NHEJ1: variants seen among roughly 807,000 people sequenced by gnomAD.
NHEJ1 encodes non-homologous end-joining factor 1.
NHEJ1 carries 22 observed loss-of-function variants against 39.4 expected under a neutral mutation model. The ratio of observed to expected loss-of-function variants is 0.56; its 90% CI spans 0.40 to 0.80. The LOEUF (loss-of-function observed/expected upper bound fraction) is 0.80, where lower values mean the gene tolerates loss of function less well. NHEJ1 is among the 30% of genes least tolerant of loss of function. The pLI is 0.00. For missense variants in NHEJ1, 329 were observed against 357.1 expected, an observed-to-expected ratio of 0.92 and a Z score of 0.63; for synonymous variants, 154 against 135.6, an observed-to-expected ratio of 1.14 and a Z score of -0.94.
intron 1 of NHEJ1, chr2:219,158,746 T>A: frequency 3.6e-6 from 1 of 274,694 alleles, no homozygotes; most frequent in Non-Finnish European, 7.1e-6. Flanking sequence ...GTCACTCCTA[T>A]CCTTTCCCAG....
chr2:219,090,647 C>T (rs1038993850), intron 5 of NHEJ1, among the ~76,000 whole-genome samples: 4 of 152,116 alleles, frequency 2.6e-5, no homozygotes, highest in South Asian at 2.1e-4. Context: ...GGTCTGAGGC[C>T]TTACTAAACA....
chr2:219,087,019 G>A (rs897717084), intron 5 of NHEJ1, among the ~76,000 whole-genome samples: 2 of 152,014 alleles, frequency 1.3e-5, no homozygotes, highest in South Asian at 2.1e-4. Flanking sequence ...GGTTTCCTGG[G>A]GGGGACGGAT....
chr2:219,125,304 A>C (rs1317915856), intron 5 of NHEJ1, among the ~76,000 whole-genome samples: 1 of 151,892 alleles, frequency 6.6e-6, no homozygotes, highest in East Asian at 1.9e-4. Flanking sequence ...TGGGAAATCC[A>C]CAAGTCCTCT....
intron 5 of NHEJ1, among the ~76,000 whole-genome samples, chr2:219,115,017 C>T (rs1949397793): frequency 6.6e-6 from 1 of 151,950 alleles, no homozygotes; most frequent in African/African-American, 2.4e-5. Flanking sequence ...CAGAAACTGT[C>T]ACAGGCATTG....
rs372934259 is a variant in NHEJ1 at position 219,076,426 on chromosome 2, C to G, written c.855G>C (p.Gln285His). ...TGTSGPLQRP[Q>H]LSKVKRKKPR... is the part of the protein sequence containing the mutation. ...GCTTCTTCCTCTTGACCTTTGACAG[C>G]TGAGGTCTCTGCAGAGGGCCTGAAG... is the stretch of plus-strand genomic sequence containing the variant. Residue 285 changes from glutamine (Q) to histidine (H), a missense_variant, in exon 8 of 8, where the codon CAG becomes CAC. Gln to His is a conservative substitution (Grantham distance 24, BLOSUM62 0). Transcript: ENST00000356853. The G allele has an allele frequency of 3.1e-6, 5 of 1,614,080 alleles. No individual in the cohort carries two copies. The South Asian group carries it at 3.3e-5, about 11-fold the overall frequency.
intron 5 of NHEJ1, among the ~76,000 whole-genome samples, chr2:219,137,965 C>T (rs533811024): frequency 6.6e-6 from 1 of 152,108 alleles, no homozygotes; most frequent in Non-Finnish European, 1.5e-5. Context: ...GACCGAATAC[C>T]GAAAGGATGA....
intron 5 of NHEJ1, among the ~76,000 whole-genome samples, chr2:219,080,965 A>G (rs1949061862): frequency 6.6e-6 from 1 of 151,994 alleles, no homozygotes; most frequent in Non-Finnish European, 1.5e-5. Flanking sequence ...TTACTATCCT[A>G]TTTACTTCCC....
intron 5 of NHEJ1, among the ~76,000 whole-genome samples, chr2:219,097,777 T>C (rs532117689): frequency 6.6e-6 from 1 of 152,278 alleles, no homozygotes; most frequent in South Asian, 2.1e-4. Context: ...TAGTTGAATA[T>C]ACAAGTCTGG....
At chr2:219,139,781 G>A (rs936932526) in intron 5 of NHEJ1, among the ~76,000 whole-genome samples, 14 of 152,238 alleles carry the variant, frequency 9.2e-5, no homozygotes, top group African/African-American at 1.7e-4. Flanking sequence ...CCAGGTTCAC[G>A]CCATTCTCCC....
At chr2:219,076,599 A>G (rs1476577006) in intron 7 of NHEJ1, 144 bp from the exon 8 acceptor site, 1 of 723,496 alleles carries the variant, frequency 1.4e-6, no homozygotes. Flanking sequence ...GCTGGAGTAC[A>G]TGGGCACAAT....
intron 5 of NHEJ1, among the ~76,000 whole-genome samples, chr2:219,105,897 A>G (rs774773784): frequency 6.6e-6 from 1 of 152,182 alleles, no homozygotes; most frequent in Non-Finnish European, 1.5e-5. Flanking sequence ...TACATGTCCA[A>G]TTCTTCCATG....
intron 5 of NHEJ1, among the ~76,000 whole-genome samples, chr2:219,114,547 C>T (rs1949393567): frequency 6.6e-6 from 1 of 152,120 alleles, no homozygotes; most frequent in Admixed American, 6.5e-5. Flanking sequence ...GTAATGCTTA[C>T]ACAGGCCTAA....
At position 219,072,840 on chromosome 2, in the gene NHEJ1, CAG is replaced by C. The variant is rs1011254916; in HGVS notation, c.*3539_*3540del. ...AGGAGAAAATGAGAGACAGAATAAA[CAG>C]AGAGAGGAAAATGCTCCTAGTGACA... On this transcript the variant is annotated 3_prime_UTR_variant, in exon 8 of 8. Transcript: ENST00000356853. Among the ~76,000 whole-genome samples the C allele has an allele frequency of 3.3e-5, 5 of 152,114 alleles. No homozygotes were observed. Among genetic ancestry groups the C allele is most frequent in the African/African-American group, 1.2e-4 (5 of 41,408 alleles).
At chr2:219,077,572 A>G (rs1236972061) in intron 6 of NHEJ1, among the ~76,000 whole-genome samples, 1 of 152,176 alleles carries the variant, frequency 6.6e-6, no homozygotes, top group Non-Finnish European at 1.5e-5. Context: ...TTCAGCAGGT[A>G]GGATGAGAGT....
At chr2:219,080,637 AAGC>A (rs1215849979) in intron 5 of NHEJ1, among the ~76,000 whole-genome samples, 3 of 139,648 alleles carry the variant, frequency 2.1e-5, no homozygotes, top group Admixed American at 1.4e-4. Context: ...TAATATATAT[AAGC>A]TTATATATAT....
chr2:219,157,718 C>T (rs1949869093), intron 2 of NHEJ1, 34 bp from the exon 3 acceptor site: 1 of 1,563,406 alleles, frequency 6.4e-7, no homozygotes, highest in Admixed American at 1.8e-5. Flanking sequence ...AGTAAGGGTG[C>T]TAAAAGGAAA....
At chr2:219,125,185 G>A (rs1949503872) in intron 5 of NHEJ1, among the ~76,000 whole-genome samples, 1 of 150,712 alleles carries the variant, frequency 6.6e-6, no homozygotes, top group African/African-American at 2.4e-5. Context: ...ACACATCATA[G>A]ATAGTGCAGA....
In NHEJ1 at chr2:219,080,294, T is replaced by C. The variant is rs1949049972; in HGVS notation, c.589-2088A>G. ...GCTCACACCTGTAATCCCAGCACTT[T>C]GGGAGGCCGAGGCGGGCGGATCACA... On this transcript the variant is annotated intron_variant, in intron 5 of 7. Transcript: ENST00000356853. Among the ~76,000 whole-genome samples the C allele has an allele frequency of 2.6e-5, 4 of 152,172 alleles. No individual in the cohort carries two copies. In the South Asian group the frequency reaches 8.3e-4, roughly 32 times the overall value.
intron 5 of NHEJ1, among the ~76,000 whole-genome samples, chr2:219,138,192 C>G (rs1464002694): frequency 6.6e-6 from 1 of 152,134 alleles, no homozygotes; most frequent in Admixed American, 6.6e-5. Flanking sequence ...GACTCTAAGA[C>G]TAATTTTCTT....
Sources: gnomAD v4.1 joint callset for allele counts (sites outside exome capture counted in the v4.1 genomes callset) on GRCh38, gnomAD v4.1.1 for gene constraint, MANE v1.5 for transcripts, NCBI Gene and HGNC (gene_info 2026-07-23, HGNC 2026-07-21) for gene names.